Variants in PKP1 observed in about 807,000 individuals in gnomAD.
PKP1 encodes plakophilin 1.
In PKP1, 27 loss-of-function variants were observed where a neutral mutation model predicts 76.4. The ratio of observed to expected loss-of-function variants is 0.35; its 90% CI spans 0.26 to 0.49. The LOEUF (loss-of-function observed/expected upper bound fraction) is 0.49. Ranked by LOEUF, PKP1 falls within the 20% of genes least tolerant of loss-of-function variation. PKP1 has a pLI of 0.99. For missense variants in PKP1, 964 were observed against 955.2 expected, an observed-to-expected ratio of 1.01 and a Z score of -0.12; for synonymous variants, 404 against 384.2, an observed-to-expected ratio of 1.05 and a Z score of -0.60.
intron 6 of PKP1, among the ~76,000 whole-genome samples, chr1:201,319,015 G>A (rs1465810768): frequency 5.3e-5 from 8 of 152,130 alleles, no homozygotes; most frequent in East Asian, 1.9e-4. Flanking sequence ...AGAATGCAGC[G>A]GACATTAGTC....
intron 4 of PKP1, 26 bp from the exon 5 acceptor site, chr1:201,317,546 G>A (rs1203442502): frequency 1.9e-6 from 3 of 1,595,480 alleles, no homozygotes; most frequent in Non-Finnish European, 2.6e-6. Context: ...CCTTGACCAG[G>A]CAGCGTGGCA....
intron 8 of PKP1, among the ~76,000 whole-genome samples, chr1:201,322,385 G>A (rs1339048239): frequency 6.6e-6 from 1 of 152,216 alleles, no homozygotes; most frequent in Non-Finnish European, 1.5e-5. Context: ...AAAAACTCCA[G>A]CCTTCTGTTT....
At chr1:201,328,122 T>C (rs1657206191) in intron 12 of PKP1, among the ~76,000 whole-genome samples, 1 of 152,206 alleles carries the variant, frequency 6.6e-6, no homozygotes, top group Admixed American at 6.5e-5. Context: ...CAAGGGCACC[T>C]TGGCCTATTG....
chr1:201,309,338 G>A lies in PKP1; in HGVS notation c.307-3828G>A, dbSNP rs151058487. Among the ~76,000 whole-genome samples the A allele has an allele frequency of 2.6e-4, 40 of 152,076 alleles. No homozygotes were observed. The East Asian group carries it at 7.6e-3, about 29-fold the overall frequency. ...CGGCAAAGCGGGGACTGGCTGGGGG[G>A]CTCCTAGCTAAAAGCAGCTTTTCCT... On this transcript the variant is annotated intron_variant, in intron 2 of 13. Coordinates refer to ENST00000367324, the MANE Select transcript of PKP1 (RefSeq NM_001005337.3).
rs189487979 is a variant in PKP1 at position 201,323,522 on chromosome 1, G to A, written c.1680+333G>A. 1.8e-3 allele frequency among the ~76,000 whole-genome samples: 276 copies of A among 152,284 alleles called. 1 individual carries two copies. The highest frequency in any genetic ancestry group is 9.7e-4 in the East Asian group (5 of 5,174). Reference sequence around the variant, plus strand: ...GCGGCGGAGAAGGTGTTTGGCAAAAGGAGTTTCCCATTTGTTGAACTGACA... The same window carrying A: ...GCGGCGGAGAAGGTGTTTGGCAAAAAGAGTTTCCCATTTGTTGAACTGACA... On this transcript the variant is annotated intron_variant, in intron 9 of 13. Transcript: ENST00000367324.
intron 12 of PKP1, among the ~76,000 whole-genome samples, chr1:201,327,538 G>A (rs1657164296): frequency 6.6e-6 from 1 of 152,184 alleles, no homozygotes; most frequent in African/African-American, 2.4e-5. Context: ...AGGCAGGTAA[G>A]GAGGACTGGT....
rs1558191684 is a variant in PKP1, at chr1:201,316,149, C to CGGACGGACGGACGGAT, written c.702-401_702-400insCGGACGGACGGATGGA. The CGGACGGACGGACGGAT allele has an allele frequency of 7.3e-3, 906 of 124,082 alleles. 14 individuals carry two copies. The highest frequency in any genetic ancestry group is 0.034 in the African/African-American group (854 of 25,030). 7.7% of individuals were successfully genotyped at this position (124,082 alleles called of 1,614,324 possible). A position where few individuals can be genotyped will look rare whatever the true frequency, so the allele number is the denominator to read the frequency against. On this transcript the variant is annotated intron_variant, in intron 3 of 13. Coordinates refer to ENST00000367324, the MANE Select transcript of PKP1 (RefSeq NM_001005337.3). ...ACGGACGGACGGACGGATGGACGGACGGATGGATGGATGGATGGATGGATA... is the reference window on the plus strand; with the variant it reads ...ACGGACGGACGGACGGATGGACGGACGGACGGACGGACGGATGGATGGATGGATGGATGGATGGATA...
At chr1:201,318,073 G>A (rs1656818464) in intron 5 of PKP1, among the ~76,000 whole-genome samples, 1 of 152,182 alleles carries the variant, frequency 6.6e-6, no homozygotes, top group African/African-American at 2.4e-5. Flanking sequence ...ACAAGCCCTG[G>A]GATTCCCAGG....
Position 201,322,049 on chromosome 1 carries a change from C to T in PKP1, c.1419C>T (p.Tyr473=), listed in dbSNP as rs1656960118. The T allele has an allele frequency of 6.2e-7, 1 of 1,614,010 alleles. No individual in the cohort carries two copies. Among genetic ancestry groups the T allele is most frequent in the Non-Finnish European group, 8.5e-7 (1 of 1,180,024 alleles). The change falls in exon 8 of 14, where the codon TAC becomes TAT. Residue 473 remains tyrosine, a synonymous_variant. Coordinates refer to ENST00000367324, the MANE Select transcript of PKP1 (RefSeq NM_001005337.3). ...YRLDAEVPTR[Y]RQLEYNARNA... is the part of the protein sequence containing the mutation. ...TGGACGCCGAGGTGCCCACCCGCTA[C>T]CGCCAGCTGGAGTATAACGCCCGCA...
Position 201,331,442 on chromosome 1 carries a change from T to C in PKP1, c.*1401T>C, listed in dbSNP as rs1009014528. The C allele has an allele frequency of 3.9e-5, 6 of 152,548 alleles. No individual in the cohort carries two copies. The highest frequency in any genetic ancestry group is 3.9e-4 in the Admixed American group (6 of 15,298). 9.4% of individuals were successfully genotyped at this position (152,548 alleles called of 1,614,324 possible). A position where few individuals can be genotyped will look rare whatever the true frequency, so the allele number is the denominator to read the frequency against. On this transcript the variant is annotated 3_prime_UTR_variant, in exon 14 of 14. Coordinates refer to ENST00000367324, the MANE Select transcript of PKP1 (RefSeq NM_001005337.3). Reference sequence around the variant, plus strand: ...CGAGGGCCTTATGAGAAAACCTGTGTGGACATCCCTTGGTGTACACTAAGA... The same window carrying C: ...CGAGGGCCTTATGAGAAAACCTGTGCGGACATCCCTTGGTGTACACTAAGA...
At position 201,332,830 on chromosome 1, in the gene PKP1, GTGAGGGATCT is replaced by G. The variant is rs1558200596; in HGVS notation, c.*2792_*2801del. On this transcript the variant is annotated 3_prime_UTR_variant, in exon 14 of 14. Coordinates refer to ENST00000367324, the MANE Select transcript of PKP1 (RefSeq NM_001005337.3). The stretch of plus-strand genomic sequence containing the variant: ...CAGGGAAGGGAAGCCGGGGGCTGCT[GTGAGGGATCT>G]TGGAGCTTCCCTGTAGCCCACCTTC... 6.6e-6 allele frequency: 1 copy of G among 152,282 alleles called. No homozygotes were observed. The highest frequency in any genetic ancestry group is 2.4e-5 in the African/African-American group (1 of 41,454). The allele number at this position is 152,282 out of a possible 1,614,324, so 9.4% of individuals were successfully genotyped here. A position where few individuals can be genotyped will look rare whatever the true frequency, so the allele number is the denominator to read the frequency against.
intron 5 of PKP1, 91 bp downstream of exon 5, chr1:201,317,870 G>A: frequency 8.0e-7 from 1 of 1,256,654 alleles, no homozygotes; most frequent in Non-Finnish European, 1.1e-6. Flanking sequence ...TGTCTCTCCA[G>A]GCTGGGCCAA....
chr1:201,316,873 G>T (rs1281654516), intron 4 of PKP1, among the ~76,000 whole-genome samples, 176 bp downstream of exon 4: 1 of 152,214 alleles, frequency 6.6e-6, no homozygotes, highest in Admixed American at 6.5e-5. Flanking sequence ...ACTTTCTGCA[G>T]AGCAAAGCCC....
intron 4 of PKP1, among the ~76,000 whole-genome samples, chr1:201,317,150 C>T (rs1395919414): frequency 1.3e-5 from 2 of 152,146 alleles, no homozygotes; most frequent in African/African-American, 4.8e-5. Context: ...TTCAGTTCAG[C>T]CCAAGGATGT....
intron 7 of PKP1, among the ~76,000 whole-genome samples, chr1:201,321,384 G>T (rs754424304): frequency 1.3e-5 from 2 of 152,134 alleles, no homozygotes; most frequent in African/African-American, 4.8e-5. Flanking sequence ...TTTGCCAAAG[G>T]AGATTGACAA....
chr1:201,311,192 T>C (rs1395051784), intron 2 of PKP1, among the ~76,000 whole-genome samples: 1 of 152,194 alleles, frequency 6.6e-6, no homozygotes, highest in Non-Finnish European at 1.5e-5. Context: ...TTCCTTCCCC[T>C]GAGAGGAGAA....
At position 201,292,154 on chromosome 1, in the gene PKP1, G is replaced by A. The variant is rs146161468; in HGVS notation, c.203-1788G>A. On this transcript the variant is annotated intron_variant, in intron 1 of 13. Coordinates refer to ENST00000367324, the MANE Select transcript of PKP1 (RefSeq NM_001005337.3). ...CAGGTGGCAAACGAGGCGGTAGTGT[G>A]GCCTTTGATGTCTGCCCTTCTTCCT... Among the ~76,000 whole-genome samples, 475 of 152,280 alleles carry A rather than the reference G, an allele frequency of 3.1e-3. 4 individuals carry two copies. Among genetic ancestry groups the A allele is most frequent in the African/African-American group, 0.011 (443 of 41,548 alleles).
intron 1 of PKP1, among the ~76,000 whole-genome samples, chr1:201,293,304 CTG>C (rs1655981459): frequency 6.6e-6 from 1 of 152,124 alleles, no homozygotes; most frequent in Admixed American, 6.5e-5. Flanking sequence ...TAATGACACT[CTG>C]TCCTCCTGCG....
At chr1:201,306,055 C>T (rs1180463322) in intron 2 of PKP1, among the ~76,000 whole-genome samples, 1 of 152,216 alleles carries the variant, frequency 6.6e-6, no homozygotes, top group Non-Finnish European at 1.5e-5. Flanking sequence ...GTGGCAAACG[C>T]CTGCCAGGGA....
Sources: allele counts gnomAD v4.1 joint callset (sites outside exome capture counted in the v4.1 genomes callset), GRCh38; gene constraint gnomAD v4.1.1; transcripts MANE v1.5; gene names NCBI Gene and HGNC (gene_info 2026-07-23, HGNC 2026-07-21).